The following XIRP2 variants were observed in gnomAD, a reference collection of about 807,000 sequenced individuals.
The protein encoded by XIRP2 is xin actin binding repeat containing 2, also known as xin actin-binding repeat-containing protein 2.
Under a neutral mutation model 277.0 loss-of-function variants are expected in XIRP2, and 236 were observed. The observed-to-expected ratio is 0.85, with a 90% CI of 0.77 to 0.95. XIRP2 has a LOEUF of 0.95. XIRP2 is among the 40% of genes least tolerant of loss of function. The pLI, the probability that XIRP2 is intolerant of heterozygous loss-of-function variation, is 0.00. For synonymous variants in XIRP2, 1,490 were observed against 1,416.5 expected (o/e 1.05, Z -1.17); for missense variants, 4,640 against 4,157.5 (o/e 1.12, Z -3.19).
intron 2 of XIRP2, among the ~76,000 whole-genome samples, chr2:167,064,797 C>T (rs1015477104): frequency 6.6e-6 from 1 of 151,912 alleles, no homozygotes; most frequent in Non-Finnish European, 1.5e-5. Flanking sequence ...GTACAATTTT[C>T]TCCCAGGTTC....
intron 5 of XIRP2, among the ~76,000 whole-genome samples, chr2:167,221,487 G>GAAAAAAAAAAAA (rs1694429409): frequency 6.9e-6 from 1 of 144,034 alleles, no homozygotes. Flanking sequence ...AAAAAAAAAG[G>GAAAAAAAAAAAA]AAAAAGTCAT....
chr2:167,024,672 G>T (rs1226814961), intron 2 of XIRP2, among the ~76,000 whole-genome samples: 1 of 152,120 alleles, frequency 6.6e-6, no homozygotes, highest in Admixed American at 6.6e-5. Context: ...ACGTGTTGTT[G>T]AATTTTGTCA....
intron 2 of XIRP2, among the ~76,000 whole-genome samples, chr2:166,938,751 A>G (rs1685597731): frequency 6.6e-6 from 1 of 152,164 alleles, no homozygotes; most frequent in Admixed American, 6.5e-5. Context: ...TAGGTCTCTA[A>G]GGAATTGCTT....
intron 2 of XIRP2, among the ~76,000 whole-genome samples, chr2:166,961,986 T>G (rs1373684693): frequency 2.0e-5 from 3 of 151,700 alleles, no homozygotes; most frequent in Non-Finnish European, 4.4e-5. Flanking sequence ...AATTGTGTTA[T>G]GTACCTGAAT....
intron 2 of XIRP2, among the ~76,000 whole-genome samples, chr2:167,133,306 A>G (rs1043586891): frequency 6.6e-6 from 1 of 152,214 alleles, no homozygotes; most frequent in Non-Finnish European, 1.5e-5. Context: ...ATTCAGCCTC[A>G]TCCAAGAAGC....
At chr2:166,951,476 G>T (rs1686031384) in intron 2 of XIRP2, among the ~76,000 whole-genome samples, 1 of 151,928 alleles carries the variant, frequency 6.6e-6, no homozygotes, top group Non-Finnish European at 1.5e-5. Flanking sequence ...GGCAGAGGTT[G>T]CAGTGAGCTG....
In XIRP2 at chr2:167,013,416, A is replaced by G. The variant is rs1033872829; in HGVS notation, c.408+109526A>G. On this transcript the variant is annotated intron_variant, in intron 2 of 10. Coordinates refer to ENST00000409195, the MANE Select transcript of XIRP2 (RefSeq NM_152381.6). Reference sequence around the variant, plus strand: ...TATACTGATGCGGTCTTAAATAAACATAAGAATCAGCTGCAGATTCTGACT... The same window carrying G: ...TATACTGATGCGGTCTTAAATAAACGTAAGAATCAGCTGCAGATTCTGACT... Among the ~76,000 whole-genome samples, 6 of 151,482 alleles carry G rather than the reference A, an allele frequency of 4.0e-5. 1 individual carries two copies. The Admixed American group carries it at 4.0e-4, about 10-fold the overall frequency.
intron 2 of XIRP2, among the ~76,000 whole-genome samples, chr2:166,937,621 G>T (rs150002676): frequency 0.013 from 2,017 of 152,242 alleles, 40 homozygotes; most frequent in African/African-American, 0.043. Context: ...AAATGAGTTA[G>T]GGAGGATTCC....
chr2:167,024,080 A>T (rs999192214), intron 2 of XIRP2, among the ~76,000 whole-genome samples: 1 of 151,318 alleles, frequency 6.6e-6, no homozygotes, highest in African/African-American at 2.4e-5. Flanking sequence ...GATTCTTCCT[A>T]CCCATGAGCA....
intron 3 of XIRP2, among the ~76,000 whole-genome samples, chr2:167,198,118 T>C (rs1435893144): frequency 6.6e-6 from 1 of 152,228 alleles, no homozygotes. Flanking sequence ...CGATACTGAC[T>C]AATTATACAC....
chr2:167,241,815 T>C lies in XIRP2; in HGVS notation c.1081T>C (p.Ser361Pro). Residue 361 changes from serine to proline, a missense_variant, in exon 8 of 11, where the codon TCG becomes CCG. By Grantham distance (74) the Ser-to-Pro change is moderately conservative. Coordinates refer to ENST00000409195, the MANE Select transcript of XIRP2 (RefSeq NM_152381.6). ...TPEDEEIPKV[S>P]TKLLKEQFEK... The stretch of plus-strand genomic sequence containing the variant: ...TGAGGATGAAGAGATTCCAAAGGTT[T>C]CGACTAAGTTGTTAAAAGAGCAGTT... 6.2e-7 allele frequency: 1 copy of C among 1,613,674 alleles called. No individual in the cohort carries two copies. The highest frequency in any genetic ancestry group is 1.1e-5 in the South Asian group (1 of 91,030).
chr2:167,249,850 G>GA lies in XIRP2; in HGVS notation c.8465dup (p.Asn2822LysfsTer17), dbSNP rs774376683. On this transcript the variant is annotated frameshift_variant, in exon 9 of 11. Coordinates refer to ENST00000409195, the MANE Select transcript of XIRP2 (RefSeq NM_152381.6). LOFTEE classifies it high-confidence loss of function. The stretch of plus-strand genomic sequence containing the variant: ...CAGAGGGAAACTTCCAGGAAGTGAA[G>GA]AAAAAAATCAGGGACCATCAATGAT... 3.7e-6 allele frequency: 6 copies of GA among 1,613,184 alleles called. No individual in the cohort carries two copies. Among genetic ancestry groups the GA allele is most frequent in the African/African-American group, 1.3e-5 (1 of 74,854 alleles).
chr2:167,119,661 C>T lies in XIRP2; in HGVS notation c.409-16248C>T, dbSNP rs185545937. ...AGGTGCCCAATGTTTGTTAAATAAA[C>T]AAGTAGATTATGCATGATGCCCACA... On this transcript the variant is annotated intron_variant, in intron 2 of 10. Coordinates refer to ENST00000409195, the MANE Select transcript of XIRP2 (RefSeq NM_152381.6). 2.8e-3 allele frequency among the ~76,000 whole-genome samples: 419 copies of T among 152,270 alleles called. 2 individuals are homozygous for T. Among genetic ancestry groups the T allele is most frequent in the Admixed American group, 4.9e-3 (75 of 15,294 alleles).
intron 5 of XIRP2, among the ~76,000 whole-genome samples, chr2:167,236,437 G>T (rs898399868): frequency 6.6e-6 from 1 of 151,984 alleles, no homozygotes; most frequent in Non-Finnish European, 1.5e-5. Context: ...ATAGATTTTT[G>T]TGATATAGTT....
intron 2 of XIRP2, among the ~76,000 whole-genome samples, chr2:167,042,333 A>G (rs1026776597): frequency 6.6e-5 from 10 of 152,212 alleles, no homozygotes; most frequent in African/African-American, 2.4e-4. Flanking sequence ...AAATCCTCAC[A>G]TACTGACACT....
rs186240898 is a variant in XIRP2, at chr2:166,941,141, A to G, written c.408+37251A>G. Among the ~76,000 whole-genome samples the G allele has an allele frequency of 2.6e-5, 4 of 152,232 alleles. No individual in the cohort carries two copies. The East Asian group carries it at 5.8e-4, about 22-fold the overall frequency. ...TTGTTTACCTACTCAAGCCTCATCA[A>G]TGGCGGGCACCCCTCCCCCAGCCTC... On this transcript the variant is annotated intron_variant, in intron 2 of 10. Transcript: ENST00000409195.
intron 2 of XIRP2, among the ~76,000 whole-genome samples, chr2:166,963,535 G>C (rs908996317): frequency 2.6e-5 from 4 of 151,858 alleles, no homozygotes; most frequent in African/African-American, 9.7e-5. Context: ...GTAAGGAATG[G>C]TCAGTCATGT....
chr2:167,179,620 T>G (rs1305093050), intron 3 of XIRP2, among the ~76,000 whole-genome samples: 1 of 150,646 alleles, frequency 6.6e-6, no homozygotes, highest in East Asian at 2.0e-4. Flanking sequence ...GCACCCAGCC[T>G]AATCATTTTC....
intron 5 of XIRP2, among the ~76,000 whole-genome samples, chr2:167,239,231 C>T (rs1694985864): frequency 6.6e-6 from 1 of 152,082 alleles, no homozygotes; most frequent in South Asian, 2.1e-4. Context: ...CTTTCTCATA[C>T]TGGGTAATAC....
Sources: gnomAD v4.1 joint callset for allele counts (sites outside exome capture counted in the v4.1 genomes callset) on GRCh38, gnomAD v4.1.1 for gene constraint, MANE v1.5 for transcripts, NCBI Gene and HGNC (gene_info 2026-07-23, HGNC 2026-07-21) for gene names.